SLC5A4: variants seen among roughly 807,000 people sequenced by gnomAD.
SLC5A4 encodes the protein solute carrier family 5 member 4.
Under a neutral mutation model 70.3 loss-of-function variants are expected in SLC5A4, and 55 were observed. The observed-to-expected ratio is 0.78, with a 90% CI of 0.63 to 0.98. The LOEUF (loss-of-function observed/expected upper bound fraction) is 0.98, where lower values mean the gene tolerates loss of function less well. Ranked by LOEUF, SLC5A4 falls within the 50% of genes least tolerant of loss-of-function variation. The pLI is 0.00. For missense variants in SLC5A4, 735 were observed against 839.2 expected (o/e 0.88, Z 1.53); for synonymous variants, 268 against 305.7 (o/e 0.88, Z 1.29).
At position 32,224,344 on chromosome 22, in the gene SLC5A4, A is replaced by G; in HGVS notation, c.1588T>C (p.Ser530Pro). ...IICGVHYLYF[S>P]IVLFFGSMLV... Reference sequence around the variant, plus strand: ...ATGGACCCAAAAAAGAGAACGATGGAAAAGTACAGATAGTGCACTCCACAG... The same window carrying G: ...ATGGACCCAAAAAAGAGAACGATGGGAAAGTACAGATAGTGCACTCCACAG... The change falls in exon 13 of 15, where the codon TCC becomes CCC. Residue 530 changes from serine to proline, a missense_variant. By Grantham distance (74) the Ser-to-Pro change is moderately conservative. Transcript: ENST00000266086. The G allele has an allele frequency of 6.2e-7, 1 of 1,614,176 alleles. No individual in the cohort carries two copies.
chr22:32,353,660 A>G, the SLC5A4 span, among the ~76,000 whole-genome samples: 1 of 150,856 alleles, frequency 6.6e-6, no homozygotes, highest in Non-Finnish European at 1.5e-5. Flanking sequence ...CTCACCCCCA[A>G]CCACCGGCAG....
chr22:32,352,108 G>T, the SLC5A4 span, among the ~76,000 whole-genome samples: 60,887 of 151,672 alleles, frequency 0.4, 14,642 homozygotes, highest in African/African-American at 0.66. Context: ...TGAGTTCATG[G>T]CCTTTGTAAG....
the SLC5A4 span, among the ~76,000 whole-genome samples, chr22:32,346,785 T>C: frequency 3.3e-4 from 49 of 147,188 alleles, no homozygotes; most frequent in African/African-American, 1.0e-3. Flanking sequence ...ATTCAGGACA[T>C]AGGCATGGGC....
At chr22:32,319,094 A>C in the SLC5A4 span, among the ~76,000 whole-genome samples, 5 of 152,178 alleles carry the variant, frequency 3.3e-5, no homozygotes, top group Non-Finnish European at 7.4e-5. Context: ...GCCTGCCTTT[A>C]AGTGGGGACA....
At chr22:32,306,833 C>T in the SLC5A4 span, among the ~76,000 whole-genome samples, 1 of 152,174 alleles carries the variant, frequency 6.6e-6, no homozygotes, top group African/African-American at 2.4e-5. Context: ...ATGTATGCTA[C>T]TAGCTTTAAA....
chr22:32,255,541 G>A (rs1474236907), upstream of SLC5A4, among the ~76,000 whole-genome samples: 3 of 152,134 alleles, frequency 2.0e-5, no homozygotes, highest in Non-Finnish European at 4.4e-5. Context: ...TGCAGGGCCA[G>A]AAATGAGGGG....
the SLC5A4 span, chr22:32,270,525 C>A: frequency 2.8e-6 from 2 of 718,638 alleles, no homozygotes; most frequent in African/African-American, 1.7e-5. Context: ...GACAGTGATT[C>A]CTGATTCTGA....
At chr22:32,223,951 C>T (rs1388077529) in intron 13 of SLC5A4, among the ~76,000 whole-genome samples, 1 of 151,804 alleles carries the variant, frequency 6.6e-6, no homozygotes, top group African/African-American at 2.4e-5. Flanking sequence ...GACAGTGTCT[C>T]GCTCTGTCAC....
At chr22:32,257,122 C>G (rs1289535258), upstream of SLC5A4, among the ~76,000 whole-genome samples, 1 of 152,182 alleles carries the variant, frequency 6.6e-6, no homozygotes, top group Non-Finnish European at 1.5e-5. Context: ...AAGTGGGTAT[C>G]ACAATATAGT....
Position 32,224,273 on chromosome 22 carries a change from A to C in SLC5A4, c.1659T>G (p.Asp553Glu). 2 of 1,610,236 alleles carry C rather than the reference A, an allele frequency of 1.2e-6. No homozygotes were observed. The highest frequency in any genetic ancestry group is 2.2e-5 in the East Asian group (1 of 44,864). ...GISLLTKPIP[D>E]VHLYRLCWVL... ...TTCATTACTCATCACTCACATGTAC[A>C]TCAGGAATGGGTTTTGTTAAGAGGG... is the stretch of plus-strand genomic sequence containing the variant. The change falls in exon 13 of 15, where the codon GAT becomes GAG. Residue 553 changes from aspartate (D) to glutamate (E), a missense_variant. Asp to Glu is a conservative substitution (Grantham distance 45). Coordinates refer to ENST00000266086, the MANE Select transcript of SLC5A4 (RefSeq NM_014227.3).
chr22:32,225,750 G>T lies in SLC5A4; in HGVS notation c.1354C>A (p.Leu452Ile). The T allele has an allele frequency of 1.2e-6, 2 of 1,609,260 alleles. No individual in the cohort carries two copies. The highest frequency in any genetic ancestry group is 1.7e-6 in the Non-Finnish European group (2 of 1,175,578). The change falls in exon 12 of 15, where the codon CTA (leucine) becomes ATA (isoleucine). Residue 452 changes from leucine (L) to isoleucine (I), a missense_variant. By Grantham distance (5) the Leu-to-Ile change is conservative (BLOSUM62 2). Coordinates refer to ENST00000266086, the MANE Select transcript of SLC5A4 (RefSeq NM_014227.3). ...PLVQVSQNGQ[L>I]IHYTESISSY... Reference sequence around the variant, plus strand: ...GAAATTGATTCTGTGTAATGGATTAGTTGTCCATTTTGAGAAACTTGTACC... The same window carrying T: ...GAAATTGATTCTGTGTAATGGATTATTTGTCCATTTTGAGAAACTTGTACC...
At chr22:32,317,368 A>T in the SLC5A4 span, among the ~76,000 whole-genome samples, 1 of 152,242 alleles carries the variant, frequency 6.6e-6, no homozygotes, top group Non-Finnish European at 1.5e-5. Flanking sequence ...CCTAAGAAAG[A>T]CATACAATAG....
chr22:32,320,162 G>A, the SLC5A4 span, among the ~76,000 whole-genome samples: 1 of 152,186 alleles, frequency 6.6e-6, no homozygotes, highest in African/African-American at 2.4e-5. Flanking sequence ...ATTTCAGAGC[G>A]CAGACAAAAG....
At chr22:32,276,736 C>T in the SLC5A4 span, 3 of 152,232 alleles carry the variant, frequency 2.0e-5, no homozygotes, top group South Asian at 2.1e-4. Context: ...AGGTGGACTA[C>T]GTTTTGTAAA....
the SLC5A4 span, among the ~76,000 whole-genome samples, chr22:32,350,653 A>AAC: frequency 6.6e-6 from 1 of 152,194 alleles, no homozygotes; most frequent in Non-Finnish European, 1.5e-5. Flanking sequence ...TGTATTGAGA[A>AAC]ACACACCTAA....
the SLC5A4 span, among the ~76,000 whole-genome samples, chr22:32,312,166 G>C: frequency 6.6e-6 from 1 of 152,016 alleles, no homozygotes; most frequent in Non-Finnish European, 1.5e-5. Flanking sequence ...ACCCTGACTG[G>C]CATTTTCAAA....
At chr22:32,275,687 T>C in the SLC5A4 span, among the ~76,000 whole-genome samples, 1 of 152,262 alleles carries the variant, frequency 6.6e-6, no homozygotes, top group Non-Finnish European at 1.5e-5. Flanking sequence ...TACATGTGCA[T>C]GTGTCTTTAT....
At chr22:32,233,155 G>C in intron 8 of SLC5A4, 121 bp from the exon 9 acceptor site, 1 of 1,026,374 alleles carries the variant, frequency 9.7e-7, no homozygotes, top group South Asian at 1.7e-5. Context: ...ATACCAAAGA[G>C]CTATCTGCAC....
the SLC5A4 span, among the ~76,000 whole-genome samples, chr22:32,312,275 G>A: frequency 1.3e-5 from 2 of 151,654 alleles, no homozygotes; most frequent in Non-Finnish European, 2.9e-5. Context: ...CAGCCAGAAG[G>A]TAACCCGCGC....
Sources: gnomAD v4.1 joint callset for allele counts (sites outside exome capture counted in the v4.1 genomes callset) on GRCh38, gnomAD v4.1.1 for gene constraint, MANE v1.5 for transcripts, NCBI Gene and HGNC (gene_info 2026-07-23, HGNC 2026-07-21) for gene names.